The following IP6K3 variants were observed in gnomAD, a reference collection of about 807,000 sequenced individuals.
The protein encoded by IP6K3 is ATP:1D-myo-inositol-hexakisphosphate phosphotransferase.
In IP6K3, 20 loss-of-function variants were observed where a neutral mutation model predicts 28.8. The observed-to-expected ratio is 0.70, with a 90% confidence interval of 0.49 to 1.01. The LOEUF (loss-of-function observed/expected upper bound fraction) is 1.01, where lower values mean the gene tolerates loss of function less well. Ranked by LOEUF, IP6K3 falls within the 50% of genes least tolerant of loss-of-function variation. The pLI, the probability that IP6K3 is intolerant of heterozygous loss-of-function variation, is 0.00. For missense variants in IP6K3, 480 were observed against 537.1 expected (o/e 0.89, Z 1.05); for synonymous variants, 213 against 221.3 (o/e 0.96, Z 0.33).
chr6:33,740,856 C>T (rs1384234506), intron 1 of IP6K3, among the ~76,000 whole-genome samples: 1 of 152,186 alleles, frequency 6.6e-6, no homozygotes, highest in Non-Finnish European at 1.5e-5. Flanking sequence ...ACAAATCAAA[C>T]TTGTAGGGGT....
intron 1 of IP6K3, among the ~76,000 whole-genome samples, chr6:33,738,483 A>G (rs1766606963): frequency 6.6e-6 from 1 of 152,242 alleles, no homozygotes; most frequent in South Asian, 2.1e-4. Context: ...ACATGCATAC[A>G]GCGCTTGCTG....
intron 1 of IP6K3, among the ~76,000 whole-genome samples, chr6:33,740,933 A>G (rs1008276684): frequency 3.9e-5 from 6 of 152,228 alleles, no homozygotes; most frequent in African/African-American, 1.2e-4. Context: ...TATATCCGCA[A>G]ACAGACTGGC....
intron 2 of IP6K3, 103 bp downstream of exon 2, chr6:33,735,175 C>T (rs1179741183): frequency 1.0e-6 from 1 of 984,560 alleles, no homozygotes; most frequent in African/African-American, 1.6e-5. Context: ...TCTGTGGCAA[C>T]CCTTACACAC....
chr6:33,760,716 C>T, the IP6K3 span, among the ~76,000 whole-genome samples: 2 of 144,424 alleles, frequency 1.4e-5, no homozygotes, highest in Non-Finnish European at 3.0e-5. Context: ...TTAGTAGAGA[C>T]GGGGTTTTGC....
chr6:33,728,892 C>G (rs1012212735), intron 2 of IP6K3, among the ~76,000 whole-genome samples: 3 of 152,172 alleles, frequency 2.0e-5, no homozygotes, highest in Admixed American at 2.0e-4. Context: ...ACTTGCCCTC[C>G]CCCGTCTGTC....
rs148287595 is a variant in IP6K3 at position 33,728,114 on chromosome 6, G to T, written c.386C>A (p.Ala129Asp). The change falls in exon 3 of 6, where the codon GCC becomes GAC. Residue 129 changes from alanine to aspartate, a missense_variant. By Grantham distance (126) the Ala-to-Asp change is moderately radical. Transcript: ENST00000293756. ...SDCTLAQWPHAQLARSPKESP... is the reference protein window; with the variant it reads ...SDCTLAQWPHDQLARSPKESP... ...CTCCTTGGGTGAGCGTGCCAGCTGG[G>T]CATGCGGCCACTGGGCAAGGGTGCA... is the stretch of plus-strand genomic sequence containing the variant. 2 of 1,606,914 alleles carry T rather than the reference G, an allele frequency of 1.2e-6. No individual in the cohort carries two copies. The highest frequency in any genetic ancestry group is 1.7e-5 in the Admixed American group (1 of 60,018).
intron 1 of IP6K3, among the ~76,000 whole-genome samples, chr6:33,745,405 A>G (rs76658025): frequency 0.031 from 4,751 of 152,224 alleles, 243 homozygotes; most frequent in African/African-American, 0.1. Flanking sequence ...AGGAGGGGAC[A>G]GGAGACCTGG....
intron 3 of IP6K3, chr6:33,727,735 C>G (rs1414239129): frequency 1.4e-6 from 1 of 729,112 alleles, no homozygotes; most frequent in Non-Finnish European, 1.7e-6. Context: ...CCTCTACATA[C>G]ACTATTCTAG....
At chr6:33,725,308 C>T (rs1766059097) in intron 5 of IP6K3, 133 bp downstream of exon 5, 2 of 804,054 alleles carry the variant, frequency 2.5e-6, no homozygotes, top group African/African-American at 3.5e-5. Flanking sequence ...GTTGGAGGCT[C>T]CTGGCCTCCT....
chr6:33,724,332 A>G (rs150822668), intron 5 of IP6K3, among the ~76,000 whole-genome samples: 2 of 152,364 alleles, frequency 1.3e-5, no homozygotes, highest in African/African-American at 4.8e-5. Context: ...TCCAAAGGAC[A>G]TCTGTGCAAC....
intron 1 of IP6K3, among the ~76,000 whole-genome samples, chr6:33,743,906 C>A (rs150507052): frequency 1.7e-4 from 26 of 151,758 alleles, no homozygotes; most frequent in African/African-American, 5.8e-4. Flanking sequence ...AACATTTCTC[C>A]AGCTTGAGGA....
intron 5 of IP6K3, 49 bp downstream of exon 5, chr6:33,725,391 CG>C: frequency 6.5e-7 from 1 of 1,545,812 alleles, no homozygotes. Flanking sequence ...CTTGCCCCAC[CG>C]TGGACGTGCC....
chr6:33,725,471 G>A lies in IP6K3; in HGVS notation c.735C>T (p.Ala245=). Reference sequence around the variant, plus strand: ...TGCCGCAGATGCGCACACCCAGGCAGGCTGAGGTGCTCTGCGCACACTTCC... The same window carrying A: ...TGCCGCAGATGCGCACACCCAGGCAAGCTGAGGTGCTCTGCGCACACTTCC... The part of the protein sequence containing the change: ...HMRKCAQSTS[A]CLGVRICGMQ... The change falls in exon 5 of 6, where the codon GCC becomes GCT. Residue 245 remains alanine, a synonymous_variant. Transcript: ENST00000293756. 6.2e-7 allele frequency: 1 copy of A among 1,612,898 alleles called. No homozygotes were observed. Among genetic ancestry groups the A allele is most frequent in the Non-Finnish European group, 8.5e-7 (1 of 1,179,982 alleles).
intron 5 of IP6K3, among the ~76,000 whole-genome samples, chr6:33,723,698 T>TGGGGG (rs1457579950): frequency 6.6e-6 from 1 of 151,756 alleles, no homozygotes; most frequent in African/African-American, 2.4e-5. Flanking sequence ...TGAAGTGGAG[T>TGGGGG]GGGGTGAATT....
upstream of IP6K3, among the ~76,000 whole-genome samples, chr6:33,751,561 C>T (rs900806500): frequency 1.3e-5 from 2 of 148,718 alleles, no homozygotes; most frequent in Non-Finnish European, 2.9e-5. The surrounding 1 kb of genome is among the most constrained non-coding windows in gnomAD (Gnocchi z 4.3). Context: ...CCACCATGCC[C>T]ACCCTATGGC....
chr6:33,762,122 G>A, the IP6K3 span, among the ~76,000 whole-genome samples: 10 of 152,048 alleles, frequency 6.6e-5, no homozygotes, highest in East Asian at 1.9e-4. Context: ...CAGCCTGCCC[G>A]GAGCCCTTGT....
chr6:33,757,199 AC>A, the IP6K3 span, among the ~76,000 whole-genome samples: 4 of 151,206 alleles, frequency 2.6e-5, no homozygotes, highest in African/African-American at 9.7e-5. Flanking sequence ...CTCCTCCCTC[AC>A]CTCCCCACCT....
intron 3 of IP6K3, among the ~76,000 whole-genome samples, 162 bp from the exon 4 acceptor site, chr6:33,727,068 G>A (rs980158753): frequency 9.9e-5 from 15 of 152,158 alleles, no homozygotes; most frequent in African/African-American, 2.2e-4. Flanking sequence ...GCCCAACTCC[G>A]GTTCTAGGGC....
chr6:33,753,765 G>T, the IP6K3 span, among the ~76,000 whole-genome samples: 1 of 151,614 alleles, frequency 6.6e-6, no homozygotes, highest in African/African-American at 2.4e-5. Flanking sequence ...CCAAAGTGCT[G>T]GGATTACAGG....
Sources: gnomAD v4.1 joint callset for allele counts (sites outside exome capture counted in the v4.1 genomes callset) on GRCh38, gnomAD v4.1.1 for gene constraint, Gnocchi (gnomAD v3.1) non-coding constraint, MANE v1.5 for transcripts, NCBI Gene and HGNC (gene_info 2026-07-23, HGNC 2026-07-21) for gene names.